The following PDE4D variants were observed in gnomAD, a reference collection of about 807,000 sequenced individuals.
PDE4D encodes phosphodiesterase 4D.
Under a neutral mutation model 87.4 loss-of-function variants are expected in PDE4D, and 24 were observed. That is an observed-to-expected ratio of 0.27 (90% CI 0.20 to 0.39). The LOEUF (loss-of-function observed/expected upper bound fraction) is 0.39, where lower values mean the gene tolerates loss of function less well. Among genes scored for constraint, PDE4D ranks in the 10% least tolerant of loss-of-function variants. PDE4D has a pLI of 1.00. For missense variants in PDE4D, 714 were observed against 1,041.0 expected (o/e 0.69, Z 4.32); for synonymous variants, 384 against 383.2 (o/e 1.00, Z -0.02).
At chr5:60,109,782 A>T (rs1195516590) in intron 2 of PDE4D, among the ~76,000 whole-genome samples, 1 of 151,624 alleles carries the variant, frequency 6.6e-6, no homozygotes, top group African/African-American at 2.4e-5. Flanking sequence ...AACACCGCAT[A>T]TTCTCACTCA....
intron 1 of PDE4D, among the ~76,000 whole-genome samples, chr5:60,365,761 C>T (rs567891792): frequency 2.6e-5 from 4 of 152,214 alleles, no homozygotes; most frequent in Non-Finnish European, 4.4e-5. Flanking sequence ...CTGGCCATTT[C>T]GGCCAGGCGT....
chr5:59,652,990 A>G (rs964566234), intron 1 of PDE4D, among the ~76,000 whole-genome samples: 2 of 152,114 alleles, frequency 1.3e-5, no homozygotes, highest in Non-Finnish European at 2.9e-5. Context: ...TGCAAAACAA[A>G]TCCATTGATA....
chr5:60,504,126 G>A (rs891441609), intron 1 of PDE4D, among the ~76,000 whole-genome samples: 1 of 152,142 alleles, frequency 6.6e-6, no homozygotes, highest in Non-Finnish European at 1.5e-5. Context: ...ACCCATCAAT[G>A]TTATTAAATC....
At chr5:59,970,255 T>C (rs997342072) in intron 3 of PDE4D, among the ~76,000 whole-genome samples, 1 of 152,090 alleles carries the variant, frequency 6.6e-6, no homozygotes, top group Non-Finnish European at 1.5e-5. Flanking sequence ...ATAAAAACCC[T>C]AGAAGAAAAC....
Position 59,954,489 on chromosome 5 carries a change from A to T in PDE4D, c.272+33999T>A, listed in dbSNP as rs187675390. On this transcript the variant is annotated intron_variant, in intron 3 of 16. Coordinates refer to the PDE4D transcript ENST00000502484. ...GAGTGTGTTTACATGGAAGATTTAG[A>T]CCTAAAATTGTAGGGAAAAAAGCCG... Among the ~76,000 whole-genome samples the T allele has an allele frequency of 3.1e-4, 47 of 152,174 alleles. 1 individual carries two copies. In the East Asian group the frequency reaches 9.1e-3, roughly 29 times the overall value.
At chr5:59,006,240 A>G (rs148418059) in intron 6 of PDE4D, among the ~76,000 whole-genome samples, 1 of 152,180 alleles carries the variant, frequency 6.6e-6, no homozygotes, top group African/African-American at 2.4e-5. Context: ...TTTTATATAC[A>G]TATATGCAAG....
At chr5:59,175,292 C>G (rs1393985068) in intron 5 of PDE4D, among the ~76,000 whole-genome samples, 1 of 152,072 alleles carries the variant, frequency 6.6e-6, no homozygotes, top group African/African-American at 2.4e-5. Flanking sequence ...TGTGTGAAAA[C>G]AAAATCATAA....
chr5:59,064,702 C>T (rs1763624752), intron 5 of PDE4D, among the ~76,000 whole-genome samples: 1 of 152,098 alleles, frequency 6.6e-6, no homozygotes, highest in Non-Finnish European at 1.5e-5. Context: ...AATCAAACAA[C>T]TTTTAAAAAT....
chr5:59,533,886 A>G (rs1426766725), intron 1 of PDE4D, among the ~76,000 whole-genome samples: 1 of 152,164 alleles, frequency 6.6e-6, no homozygotes, highest in Non-Finnish European at 1.5e-5. Flanking sequence ...AAAAAGCACA[A>G]TTGCTTTTTA....
At chr5:59,744,068 T>A (rs1247316015) in intron 1 of PDE4D, among the ~76,000 whole-genome samples, 1 of 152,194 alleles carries the variant, frequency 6.6e-6, no homozygotes, top group African/African-American at 2.4e-5. Flanking sequence ...TTCCTCACTC[T>A]CATAAACAGT....
chr5:59,079,395 AT>A (rs1159995500), intron 5 of PDE4D, among the ~76,000 whole-genome samples: 2 of 152,202 alleles, frequency 1.3e-5, no homozygotes, highest in Admixed American at 6.5e-5. Flanking sequence ...CTGTAAAAAA[AT>A]GTTATTTCAT....
chr5:59,076,898 TACC>T (rs1332054364), intron 5 of PDE4D, among the ~76,000 whole-genome samples: 1 of 152,212 alleles, frequency 6.6e-6, no homozygotes, highest in Non-Finnish European at 1.5e-5. Flanking sequence ...TAATAAAAGA[TACC>T]ACAATTCAAA....
chr5:59,501,936 T>C (rs559514503), intron 1 of PDE4D, among the ~76,000 whole-genome samples: 2 of 152,284 alleles, frequency 1.3e-5, no homozygotes, highest in African/African-American at 4.8e-5. Flanking sequence ...ATGTTTATGA[T>C]AGCTAACATT....
chr5:60,519,880 T>C (rs1304254461), intron 1 of PDE4D, among the ~76,000 whole-genome samples: 2 of 152,170 alleles, frequency 1.3e-5, no homozygotes, highest in Non-Finnish European at 2.9e-5. Context: ...TTTCAAGCCA[T>C]ATATGTAGGA....
intron 1 of PDE4D, among the ~76,000 whole-genome samples, chr5:59,567,768 C>G (rs537380336): frequency 6.6e-6 from 1 of 152,226 alleles, no homozygotes; most frequent in African/African-American, 2.4e-5. Flanking sequence ...TAGTTTTTCA[C>G]TGTTGGAGTG....
chr5:60,262,910 G>T (rs569733438), intron 1 of PDE4D, among the ~76,000 whole-genome samples: 1 of 152,252 alleles, frequency 6.6e-6, no homozygotes, highest in South Asian at 2.1e-4. Context: ...CTAATTATCT[G>T]TACTTTGGGA....
chr5:59,947,080 G>A (rs1012134417), intron 3 of PDE4D, among the ~76,000 whole-genome samples: 1 of 152,162 alleles, frequency 6.6e-6, no homozygotes, highest in African/African-American at 2.4e-5. Context: ...AATTCTATTT[G>A]TTGCCAATGA....
At chr5:59,930,824 C>T (rs183303896) in intron 3 of PDE4D, among the ~76,000 whole-genome samples, 62 of 152,152 alleles carry the variant, frequency 4.1e-4, no homozygotes, top group Non-Finnish European at 7.4e-4. Context: ...AACAATAATA[C>T]GCAGAGGTAT....
intron 1 of PDE4D, among the ~76,000 whole-genome samples, chr5:60,271,975 G>A (rs1750860008): frequency 6.6e-6 from 1 of 152,176 alleles, no homozygotes; most frequent in South Asian, 2.1e-4. Flanking sequence ...GGATTCTAGA[G>A]CAATTCCTTT....
Sources: gnomAD v4.1 joint callset for allele counts (sites outside exome capture counted in the v4.1 genomes callset) on GRCh38, gnomAD v4.1.1 for gene constraint, MANE v1.5 for transcripts, NCBI Gene and HGNC (gene_info 2026-07-23, HGNC 2026-07-21) for gene names.